The following BBX variants were observed in gnomAD, a reference collection of about 807,000 sequenced individuals.
BBX encodes the protein BBX high mobility group box domain containing.
BBX carries 30 observed loss-of-function variants against 100.2 expected under a neutral mutation model. The ratio of observed to expected loss-of-function variants is 0.30; its 90% CI spans 0.22 to 0.41. BBX has a LOEUF of 0.41. Ranked by LOEUF, BBX falls within the 10% of genes least tolerant of loss-of-function variation. The pLI is 1.00. For synonymous variants in BBX, 376 were observed against 388.1 expected, an observed-to-expected ratio of 0.97 and a Z score of 0.37; for missense variants, 1,023 against 1,129.8, an observed-to-expected ratio of 0.91 and a Z score of 1.35.
chr3:107,590,644 T>A (rs2053239573), intron 2 of BBX, among the ~76,000 whole-genome samples: 1 of 152,240 alleles, frequency 6.6e-6, no homozygotes, highest in African/African-American at 2.4e-5. Context: ...TCTCCACTTC[T>A]CTTATTTTAC....
In BBX at chr3:107,565,034, C is replaced by A. The variant is rs148287648; in HGVS notation, c.-84+38636C>A. Among the ~76,000 whole-genome samples, 301 of 152,226 alleles carry A rather than the reference C, an allele frequency of 2.0e-3. 2 individuals carry two copies. The highest frequency in any genetic ancestry group is 6.8e-3 in the Middle Eastern group (2 of 294). On this transcript the variant is annotated intron_variant, in intron 2 of 17. Coordinates refer to ENST00000325805, the MANE Select transcript of BBX (RefSeq NM_001142568.3). ...AAATGTTAGTTTTTTTCCTACAAAT[C>A]TCACACATTTTTTTCTTGGGTTTAT...
intron 7 of BBX, 37 bp downstream of exon 7, chr3:107,733,060 C>CTCATAT (rs2063409475): frequency 6.3e-7 from 1 of 1,587,130 alleles, no homozygotes; most frequent in African/African-American, 1.3e-5. Context: ...TCTGCTCATA[C>CTCATAT]TGTGGGTTGG....
At chr3:107,527,313 T>C (rs1403575012) in intron 2 of BBX, among the ~76,000 whole-genome samples, 5 of 152,242 alleles carry the variant, frequency 3.3e-5, no homozygotes, top group Non-Finnish European at 7.3e-5. Context: ...TGCTTTGTAA[T>C]ATTACCATAG....
chr3:107,716,511 C>T, intron 4 of BBX, 96 bp from the exon 5 acceptor site: 1 of 1,444,948 alleles, frequency 6.9e-7, no homozygotes, highest in Non-Finnish European at 9.4e-7. Context: ...TTAAATGGAG[C>T]TAAGAAAAAA....
chr3:107,669,024 A>G (rs2058891284), intron 3 of BBX, among the ~76,000 whole-genome samples: 1 of 152,132 alleles, frequency 6.6e-6, no homozygotes, highest in Non-Finnish European at 1.5e-5. Flanking sequence ...AACCGTGGAC[A>G]ATGTTAACTT....
At chr3:107,613,067 A>T (rs963797258) in intron 2 of BBX, among the ~76,000 whole-genome samples, 6 of 151,976 alleles carry the variant, frequency 3.9e-5, no homozygotes, top group African/African-American at 1.5e-4. Context: ...GGTACTGCTG[A>T]TGTTCACTTA....
chr3:107,709,553 A>T (rs2061590820), intron 3 of BBX, among the ~76,000 whole-genome samples: 1 of 152,158 alleles, frequency 6.6e-6, no homozygotes, highest in East Asian at 1.9e-4. Flanking sequence ...ATTTAATTGT[A>T]TTGTTTGAGT....
At chr3:107,696,815 C>T (rs1270435732) in intron 3 of BBX, among the ~76,000 whole-genome samples, 3 of 151,374 alleles carry the variant, frequency 2.0e-5, no homozygotes, top group African/African-American at 7.4e-5. Flanking sequence ...TTCCATTCTC[C>T]CCGTCACTTT....
At chr3:107,742,579 G>A (rs1239906512) in intron 7 of BBX, among the ~76,000 whole-genome samples, 1 of 152,158 alleles carries the variant, frequency 6.6e-6, no homozygotes, top group Non-Finnish European at 1.5e-5. Context: ...TTCTATTACT[G>A]TTATTTTAGC....
At chr3:107,803,756 T>A (rs1457123758) in intron 17 of BBX, among the ~76,000 whole-genome samples, 1 of 152,144 alleles carries the variant, frequency 6.6e-6, no homozygotes, top group Non-Finnish European at 1.5e-5. Flanking sequence ...AAGGAAAGCT[T>A]CAGTCATGTC....
intron 2 of BBX, among the ~76,000 whole-genome samples, chr3:107,624,910 C>T (rs979259676): frequency 2.0e-5 from 3 of 152,140 alleles, no homozygotes; most frequent in Non-Finnish European, 2.9e-5. Flanking sequence ...AGGAGAATAA[C>T]ATTCATAGTT....
intron 10 of BBX, among the ~76,000 whole-genome samples, chr3:107,760,728 T>C (rs2065832901): frequency 6.6e-6 from 1 of 151,810 alleles, no homozygotes; most frequent in South Asian, 2.1e-4. Flanking sequence ...TGATGATGGT[T>C]TTCAATCAAG....
intron 3 of BBX, among the ~76,000 whole-genome samples, chr3:107,690,889 C>T (rs1353786398): frequency 2.3e-5 from 2 of 86,754 alleles, no homozygotes; most frequent in African/African-American, 7.2e-5. Context: ...GATGCCCCCC[C>T]CCCTTTTTTT....
intron 2 of BBX, among the ~76,000 whole-genome samples, chr3:107,625,172 C>G (rs1436582568): frequency 2.0e-5 from 3 of 152,128 alleles, no homozygotes; most frequent in African/African-American, 7.2e-5. Flanking sequence ...ATCTCTTACC[C>G]TCTATTCTGT....
At chr3:107,767,998 A>ATG (rs1336393202) in intron 10 of BBX, among the ~76,000 whole-genome samples, 2 of 152,126 alleles carry the variant, frequency 1.3e-5, no homozygotes, top group Non-Finnish European at 2.9e-5. Flanking sequence ...TAAGTGCCCC[A>ATG]TGCTTCCATC....
intron 3 of BBX, among the ~76,000 whole-genome samples, chr3:107,652,447 G>T (rs2057895260): frequency 6.7e-6 from 1 of 148,456 alleles, no homozygotes; most frequent in Non-Finnish European, 1.5e-5. Context: ...TAATCAGTTT[G>T]TCAGTGTAAT....
chr3:107,691,065 C>A (rs866111751), intron 3 of BBX, among the ~76,000 whole-genome samples: 5 of 151,814 alleles, frequency 3.3e-5, no homozygotes, highest in Admixed American at 6.6e-5. Context: ...CACCACCATG[C>A]CTGGTTAATT....
intron 3 of BBX, among the ~76,000 whole-genome samples, chr3:107,681,057 G>A (rs2059547673): frequency 6.6e-6 from 1 of 152,152 alleles, no homozygotes; most frequent in South Asian, 2.1e-4. Context: ...CACCTGAATG[G>A]TGGAAGCCCT....
chr3:107,710,618 A>G lies in BBX; in HGVS notation c.158A>G (p.Asp53Gly). 1.2e-6 allele frequency: 2 copies of G among 1,608,948 alleles called. No homozygotes were observed. The highest frequency in any genetic ancestry group is 1.7e-6 in the Non-Finnish European group (2 of 1,177,288). Reference protein sequence around the residue: ...EEEEDEEEDIDKVQLLGADGL... With the variant: ...EEEEDEEEDIGKVQLLGADGL... ...GAGGAAGACGAAGAGGAGGATATTG[A>G]TAAGGTAAGTCCTATATTTACCATA... The change falls in exon 4 of 18, where the codon GAT becomes GGT. Residue 53 changes from aspartate to glycine, a missense_variant. Around this residue, in one of 9 missense-constraint regions of BBX, gnomAD observed 229 missense variants for 226.3 expected, o/e 1.01. Coordinates refer to ENST00000325805, the MANE Select transcript of BBX (RefSeq NM_001142568.3).
Sources: allele counts gnomAD v4.1 joint callset (sites outside exome capture counted in the v4.1 genomes callset), GRCh38; gene constraint gnomAD v4.1.1; regional missense constraint gnomAD v4.1.1; transcripts MANE v1.5; gene names NCBI Gene and HGNC (gene_info 2026-07-23, HGNC 2026-07-21).